The following MMP24 variants were observed in gnomAD, a reference collection of about 807,000 sequenced individuals.
MMP24 encodes the protein matrix metallopeptidase 24.
In MMP24, 25 loss-of-function variants were observed where a neutral mutation model predicts 62.8. That is an observed-to-expected ratio of 0.40 (90% CI 0.29 to 0.56). The LOEUF is 0.56. Ranked by LOEUF, MMP24 falls within the 20% of genes least tolerant of loss-of-function variation. The probability of loss-of-function intolerance (pLI) is 0.50; values close to 1 mark genes in which losing one functional copy is unlikely to be tolerated. For synonymous variants in MMP24, 319 were observed against 350.5 expected (o/e 0.91, Z 1.00); for missense variants, 634 against 853.6 (o/e 0.74, Z 3.21).
chr20:35,243,032 G>T lies in MMP24; in HGVS notation c.247-3808G>T, dbSNP rs529487575. 2.0e-5 allele frequency among the ~76,000 whole-genome samples: 3 copies of T among 152,192 alleles called. No homozygotes were observed. In the South Asian group the frequency reaches 6.2e-4, roughly 32 times the overall value. ...ATCTCTACTAAAAATACAAAAATTA[G>T]CCAGGCAGTAGTGGCATGTGCCTGT... On this transcript the variant is annotated intron_variant, in intron 1 of 8. Transcript: ENST00000246186.
At position 35,269,774 on chromosome 20, in the gene MMP24, G is replaced by C; in HGVS notation, c.1209G>C (p.Trp403Cys). The change falls in exon 7 of 9, where the codon TGG (tryptophan) becomes TGC (cysteine). Residue 403 changes from tryptophan (W) to cysteine (C), a missense_variant. Coordinates refer to ENST00000246186, the MANE Select transcript of MMP24 (RefSeq NM_006690.4). The surrounding 1 kb of genome is among the most constrained non-coding windows in gnomAD (Gnocchi z 4.6). ...CTTCCTCCCAGGATCGCTGGTTCTG[G>C]CGTCTGCGCAATAACCGAGTGCAGG... ...EMFVFKDRWF[W>C]RLRNNRVQEG... is the part of the protein sequence containing the mutation. The C allele has an allele frequency of 6.4e-7, 1 of 1,572,162 alleles. No individual in the cohort carries two copies. Among genetic ancestry groups the C allele is most frequent in the Non-Finnish European group, 8.6e-7 (1 of 1,159,000 alleles).
At chr20:35,256,269 G>A (rs949442662) in intron 4 of MMP24, 5 of 152,174 alleles carry the variant, frequency 3.3e-5, no homozygotes, top group African/African-American at 4.8e-5. Flanking sequence ...GAAACATTAA[G>A]TCACCTACCT....
At chr20:35,232,679 T>C (rs568474185) in intron 1 of MMP24, among the ~76,000 whole-genome samples, 37 of 152,266 alleles carry the variant, frequency 2.4e-4, no homozygotes, top group Non-Finnish European at 4.3e-4. Flanking sequence ...CAAAAATGCA[T>C]GGCATGTTTA....
intron 1 of MMP24, among the ~76,000 whole-genome samples, chr20:35,242,461 C>CCCAT (rs2060493214): frequency 1.3e-5 from 2 of 152,150 alleles, no homozygotes; most frequent in African/African-American, 4.8e-5. Context: ...TCCAAACATC[C>CCCAT]CCATGCTCAA....
At chr20:35,233,739 C>T (rs930404777) in intron 1 of MMP24, among the ~76,000 whole-genome samples, 6 of 152,052 alleles carry the variant, frequency 3.9e-5, no homozygotes, top group African/African-American at 1.4e-4. Flanking sequence ...TATAAACTCC[C>T]TTGGACGCAG....
At chr20:35,251,373 C>T (rs1194674265) in intron 2 of MMP24, among the ~76,000 whole-genome samples, 1 of 152,170 alleles carries the variant, frequency 6.6e-6, no homozygotes, top group Admixed American at 6.5e-5. Flanking sequence ...AATCCACCCG[C>T]CTCAGCCTCC....
At chr20:35,258,123 C>T (rs2060584017) in intron 4 of MMP24, among the ~76,000 whole-genome samples, 1 of 152,160 alleles carries the variant, frequency 6.6e-6, no homozygotes, top group Admixed American at 6.5e-5. Context: ...CACCACCTGC[C>T]TCAGCAATTA....
chr20:35,249,278 C>A (rs1279602800), intron 2 of MMP24, among the ~76,000 whole-genome samples: 1 of 152,166 alleles, frequency 6.6e-6, no homozygotes, highest in African/African-American at 2.4e-5. Flanking sequence ...TGGTTCCCTT[C>A]CCAGGGACTG....
In MMP24 at chr20:35,226,789, G is replaced by T; in HGVS notation, c.51G>T (p.Pro17=). The change falls in exon 1 of 9, where the codon CCG becomes CCT. Residue 17 remains proline (P), a synonymous_variant. Transcript: ENST00000246186. ...CCGCGCCGGGGCCGCCGCCGCCGCC[G>T]CCGCCGCCGGGCCAGGCCCCGCGCT... ...GRAAPGPPPP[P]PPPGQAPRWS... The T allele has an allele frequency of 1.2e-6, 1 of 821,764 alleles. No individual in the cohort carries two copies. The highest frequency in any genetic ancestry group is 1.3e-6 in the Non-Finnish European group (1 of 749,956). The allele number at this position is 821,764 out of a possible 1,614,324, so 50.9% of individuals were successfully genotyped here. A position where few individuals can be genotyped will look rare whatever the true frequency, so the allele number is the denominator to read the frequency against.
chr20:35,247,014 C>T (rs1402921302), intron 2 of MMP24, 26 bp downstream of exon 2: 5 of 1,612,774 alleles, frequency 3.1e-6, no homozygotes, highest in Non-Finnish European at 3.4e-6. Context: ...GACATTGTGC[C>T]TTTGAACTTT....
chr20:35,247,592 G>A (rs539025392), intron 2 of MMP24, among the ~76,000 whole-genome samples: 2 of 152,318 alleles, frequency 1.3e-5, no homozygotes, highest in South Asian at 2.1e-4. Context: ...ATCACTCAAG[G>A]AGAATGTAAA....
intron 1 of MMP24, among the ~76,000 whole-genome samples, chr20:35,234,941 C>A (rs545307222): frequency 6.6e-6 from 1 of 152,320 alleles, no homozygotes; most frequent in South Asian, 2.1e-4. Context: ...GGTGCATTGG[C>A]ATCACATTGT....
chr20:35,272,275 G>A (rs1198620838), intron 8 of MMP24: 12 of 414,270 alleles, frequency 2.9e-5, no homozygotes, highest in Admixed American at 7.8e-5. Flanking sequence ...TCACTCTGTC[G>A]CCTAGGCTGG....
chr20:35,244,766 CAG>C (rs2060506377), intron 1 of MMP24, among the ~76,000 whole-genome samples: 1 of 150,180 alleles, frequency 6.7e-6, no homozygotes, highest in Non-Finnish European at 1.5e-5. Flanking sequence ...TGCTATCCTT[CAG>C]AGTCATTACT....
intron 4 of MMP24, among the ~76,000 whole-genome samples, chr20:35,257,428 G>A (rs1203847562): frequency 6.6e-6 from 1 of 152,192 alleles, no homozygotes; most frequent in Non-Finnish European, 1.5e-5. Flanking sequence ...GATAAGATGT[G>A]AGGAGAAGAG....
chr20:35,267,279 G>A lies in MMP24; in HGVS notation c.1054G>A (p.Glu352Lys), dbSNP rs1453005203. The A allele has an allele frequency of 1.2e-6, 2 of 1,605,702 alleles. No homozygotes were observed. Among genetic ancestry groups the A allele is most frequent in the Non-Finnish European group, 1.7e-6 (2 of 1,176,486 alleles). ...LPVRRIHSPS[E>K]RKHERQPRPP... ...CGTCCGCAGGATCCACTCACCATCG[G>A]AGAGGAAACACGAGCGCCAGCCCAG... Residue 352 changes from glutamate (E) to lysine (K), a missense_variant, in exon 6 of 9, where the codon GAG (glutamate) becomes AAG (lysine). Physicochemically the swap from Glu to Lys is moderately conservative, Grantham distance 56. Coordinates refer to ENST00000246186, the MANE Select transcript of MMP24 (RefSeq NM_006690.4).
At chr20:35,261,462 C>G (rs149612748) in intron 4 of MMP24, among the ~76,000 whole-genome samples, 5 of 152,308 alleles carry the variant, frequency 3.3e-5, no homozygotes, top group African/African-American at 1.2e-4. Flanking sequence ...TTAGGGGTAG[C>G]CCTGCTGGCC....
chr20:35,273,951 C>T (rs746288088), intron 8 of MMP24, among the ~76,000 whole-genome samples: 6 of 152,218 alleles, frequency 3.9e-5, no homozygotes, highest in South Asian at 2.1e-4. Flanking sequence ...GGGACCTGTG[C>T]GCACAGTGTG....
At chr20:35,259,010 G>A (rs1446972787) in intron 4 of MMP24, among the ~76,000 whole-genome samples, 2 of 152,018 alleles carry the variant, frequency 1.3e-5, no homozygotes, top group East Asian at 1.9e-4. Flanking sequence ...GCAAAACCCC[G>A]TCTCTACTAA....
Sources: allele counts gnomAD v4.1 joint callset (sites outside exome capture counted in the v4.1 genomes callset), GRCh38; gene constraint gnomAD v4.1.1; non-coding constraint Gnocchi (gnomAD v3.1); transcripts MANE v1.5; gene names NCBI Gene and HGNC (gene_info 2026-07-23, HGNC 2026-07-21).